FNBP1: variants seen among roughly 807,000 people sequenced by gnomAD.
FNBP1 encodes formin binding protein 1.
Under a neutral mutation model 90.6 loss-of-function variants are expected in FNBP1, and 26 were observed. That is an observed-to-expected ratio of 0.29 (90% CI 0.21 to 0.40). FNBP1 has a LOEUF of 0.40. FNBP1 is among the 10% of genes least tolerant of loss of function. The pLI is 1.00. For synonymous variants in FNBP1, 260 were observed against 265.2 expected (o/e 0.98, Z 0.19); for missense variants, 635 against 768.0 (o/e 0.83, Z 2.05).
chr9:129,974,327 G>A (rs1177415707), intron 4 of FNBP1, among the ~76,000 whole-genome samples: 1 of 151,920 alleles, frequency 6.6e-6, no homozygotes, highest in Non-Finnish European at 1.5e-5. Flanking sequence ...TGTGCTCCAG[G>A]GTCCATATCT....
intron 11 of FNBP1, chr9:129,910,090 AAC>A (rs2038961473): frequency 2.2e-6 from 1 of 456,034 alleles, no homozygotes; most frequent in Non-Finnish European, 4.4e-6. Flanking sequence ...AGAAAGTATC[AAC>A]AGTTTCAGGC....
chr9:130,000,123 A>G (rs2054605792), intron 1 of FNBP1, among the ~76,000 whole-genome samples: 1 of 152,236 alleles, frequency 6.6e-6, no homozygotes, highest in Non-Finnish European at 1.5e-5. Flanking sequence ...AGTAAGATCC[A>G]CTGGTCCACC....
At chr9:129,927,370 G>A (rs1050409913) in intron 7 of FNBP1, 29 bp from the exon 8 acceptor site, 4 of 1,598,998 alleles carry the variant, frequency 2.5e-6, no homozygotes, top group Middle Eastern at 3.3e-4. Context: ...TATAAAGTAA[G>A]TTTGGTCCAT....
chr9:129,958,394 T>C (rs761976210), intron 5 of FNBP1, 97 bp downstream of exon 5: 1 of 866,756 alleles, frequency 1.2e-6, no homozygotes, highest in Non-Finnish European at 1.8e-6. Context: ...ATCGCACCAT[T>C]GCACTCCAAC....
intron 8 of FNBP1, among the ~76,000 whole-genome samples, chr9:129,925,836 C>T (rs897535156): frequency 2.0e-5 from 3 of 151,724 alleles, no homozygotes; most frequent in East Asian, 2.0e-4. Context: ...TCAGGTGATC[C>T]GCCTGCCTCG....
chr9:129,964,799 A>T (rs1176277943), intron 4 of FNBP1, among the ~76,000 whole-genome samples: 1 of 152,000 alleles, frequency 6.6e-6, no homozygotes, highest in Non-Finnish European at 1.5e-5. Context: ...CTATTTATAT[A>T]GATATTAAAC....
intron 1 of FNBP1, chr9:130,013,935 G>A (rs1403953211): frequency 2.2e-6 from 1 of 451,226 alleles, no homozygotes; most frequent in Non-Finnish European, 4.4e-6. Context: ...CCAACCTCTA[G>A]ATTCATGAGC....
intron 11 of FNBP1, chr9:129,910,248 C>T (rs1017341347): frequency 6.6e-5 from 30 of 454,070 alleles, no homozygotes; most frequent in African/African-American, 1.2e-4. Flanking sequence ...TTTGGGAGGC[C>T]GAGGTGGGTG....
intron 1 of FNBP1, among the ~76,000 whole-genome samples, chr9:130,029,351 C>T (rs1468274753): frequency 1.3e-5 from 2 of 151,994 alleles, no homozygotes; most frequent in African/African-American, 2.4e-5. Flanking sequence ...TGGGCTCAAC[C>T]GATCCGCCCA....
At chr9:129,902,103 A>G (rs62583606) in intron 13 of FNBP1, among the ~76,000 whole-genome samples, 10,854 of 151,940 alleles carry the variant, frequency 0.071, 480 homozygotes, top group Middle Eastern at 0.14. Flanking sequence ...TTGATTATTT[A>G]TGTTTCCTGC....
intron 15 of FNBP1, among the ~76,000 whole-genome samples, chr9:129,897,480 A>T (rs540286532): frequency 6.6e-6 from 1 of 152,346 alleles, no homozygotes; most frequent in East Asian, 1.9e-4. Flanking sequence ...GTCCTGTAGT[A>T]AAGAAATCTG....
intron 6 of FNBP1, among the ~76,000 whole-genome samples, chr9:129,940,738 T>C (rs965467761): frequency 3.3e-5 from 5 of 152,072 alleles, no homozygotes; most frequent in African/African-American, 1.2e-4. Flanking sequence ...GCGATTCTCC[T>C]GCCTCAGCCT....
intron 2 of FNBP1, among the ~76,000 whole-genome samples, chr9:129,990,110 T>C (rs190939575): frequency 2.1e-3 from 317 of 152,176 alleles, no homozygotes; most frequent in African/African-American, 6.8e-3. Flanking sequence ...AAAAAAAATA[T>C]TAAGTTTGAG....
rs112841897 is a variant in FNBP1 at position 129,889,367 on chromosome 9, T to C, written c.*1172A>G. 2,512 of 179,932 alleles carry C rather than the reference T, an allele frequency of 0.014. 27 individuals are homozygous for C. The highest frequency in any genetic ancestry group is 0.027 in the Middle Eastern group (13 of 478). 11.1% of individuals were successfully genotyped at this position (179,932 alleles called of 1,614,324 possible). On this transcript the variant is annotated 3_prime_UTR_variant, in exon 17 of 17. Coordinates refer to ENST00000446176, the MANE Select transcript of FNBP1 (RefSeq NM_015033.3). ...GGCGGATCACCTGAGGTCAGGAGTT[T>C]GAGACCAGCCTGACCAACACGGTGA...
chr9:129,895,354 A>G, intron 16 of FNBP1: 5 of 1,071,310 alleles, frequency 4.7e-6, no homozygotes, highest in Non-Finnish European at 5.7e-6. Flanking sequence ...TGAGTATACA[A>G]TTTAACAAAC....
intron 6 of FNBP1, among the ~76,000 whole-genome samples, chr9:129,956,707 T>C (rs1588861411): frequency 1.3e-5 from 2 of 152,186 alleles, no homozygotes; most frequent in East Asian, 3.9e-4. Flanking sequence ...CTCTTCCAGA[T>C]GGCCCTGTCC....
rs901488264 is a variant in FNBP1, at chr9:129,889,268, G to A, written c.*1271C>T. On this transcript the variant is annotated 3_prime_UTR_variant, in exon 17 of 17. Coordinates refer to ENST00000446176, the MANE Select transcript of FNBP1 (RefSeq NM_015033.3). ...GACCACGAGAGGCACGGGGTCTTTG[G>A]TGATGAAAGTGCTAACCTCGGCGGG... 1 of 191,198 alleles carries A rather than the reference G, an allele frequency of 5.2e-6. No individual in the cohort carries two copies. The highest frequency in any genetic ancestry group is 1.1e-5 in the Non-Finnish European group (1 of 91,038). 11.8% of individuals were successfully genotyped at this position (191,198 alleles called of 1,614,324 possible). A position where few individuals can be genotyped will look rare whatever the true frequency, so the allele number is the denominator to read the frequency against.
chr9:129,974,790 G>A (rs1265792399), intron 4 of FNBP1, among the ~76,000 whole-genome samples: 2 of 151,138 alleles, frequency 1.3e-5, no homozygotes, highest in Admixed American at 1.3e-4. Context: ...ACTTCAGGAG[G>A]TTGAAGCTAC....
upstream of FNBP1, chr9:130,043,225 A>G (rs2059997535): frequency 2.4e-5 from 8 of 329,710 alleles, no homozygotes; most frequent in Non-Finnish European, 4.4e-5. Context: ...ACACCCGGAG[A>G]GCGGGGGAGG....
Sources: allele counts gnomAD v4.1 joint callset (sites outside exome capture counted in the v4.1 genomes callset), GRCh38; gene constraint gnomAD v4.1.1; transcripts MANE v1.5; gene names NCBI Gene and HGNC (gene_info 2026-07-23, HGNC 2026-07-21).